Variants in EPC1 observed in about 807,000 individuals in gnomAD.
EPC1 encodes the protein enhancer of polycomb homolog 1.
Under a neutral mutation model 98.4 loss-of-function variants are expected in EPC1, and 12 were observed. The observed-to-expected ratio is 0.12, with a 90% CI of 0.08 to 0.20. The LOEUF (loss-of-function observed/expected upper bound fraction) is 0.20, where lower values mean the gene tolerates loss of function less well. Among genes scored for constraint, EPC1 ranks in the 10% least tolerant of loss-of-function variants. The pLI is 1.00. For synonymous variants in EPC1, 357 were observed against 363.9 expected, an observed-to-expected ratio of 0.98 and a Z score of 0.21; for missense variants, 729 against 990.5, an observed-to-expected ratio of 0.74 and a Z score of 3.54.
At chr10:32,350,839 A>G (rs1208663364), upstream of EPC1, among the ~76,000 whole-genome samples, 1 of 152,228 alleles carries the variant, frequency 6.6e-6, no homozygotes, top group Non-Finnish European at 1.5e-5. Context: ...ATAGTAGTTT[A>G]TGTTCGGTAT....
Position 32,344,764 on chromosome 10 carries a change from G to A in EPC1, c.153+1999C>T, listed in dbSNP as rs12240486. Among the ~76,000 whole-genome samples the A allele has an allele frequency of 5.3e-3, 812 of 152,296 alleles. 14 individuals carry two copies. Among genetic ancestry groups the A allele is most frequent in the African/African-American group, 0.019 (787 of 41,564 alleles). ...ATGCTGCCACTGCACTCCAGCCTGG[G>A]CAACAGAGTGAGACTCCATCTCAGA... On this transcript the variant is annotated intron_variant, in intron 1 of 13. Coordinates refer to ENST00000319778, the MANE Select transcript of EPC1 (RefSeq NM_001272004.3).
chr10:32,344,431 CCT>C (rs58985188), intron 1 of EPC1, among the ~76,000 whole-genome samples: 4,942 of 152,194 alleles, frequency 0.032, 267 homozygotes, highest in African/African-American at 0.11. Flanking sequence ...AAAAAAAATC[CCT>C]GTGTTTCAAA....
upstream of EPC1, among the ~76,000 whole-genome samples, chr10:32,349,479 A>T (rs1242752828): frequency 6.6e-6 from 1 of 152,090 alleles, no homozygotes; most frequent in Non-Finnish European, 1.5e-5. Context: ...TCATTCCTTT[A>T]TCCGTCTCCT....
chr10:32,271,536 G>C lies in EPC1; in HGVS notation c.2369+18C>G, dbSNP rs751411366. 1.9e-5 allele frequency: 30 copies of C among 1,604,812 alleles called. No individual in the cohort carries two copies. Among genetic ancestry groups the C allele is most frequent in the Admixed American group, 3.4e-5 (2 of 59,458 alleles). On this transcript the variant is annotated intron_variant, in intron 13 of 13. Transcript: ENST00000319778. ...AGATCTCTTATTCCAGGTATGTTAG[G>C]CAAAAATAACTACTCACCTTGGAAC...
At chr10:32,332,209 T>C (rs1837679256) in intron 1 of EPC1, among the ~76,000 whole-genome samples, 1 of 152,228 alleles carries the variant, frequency 6.6e-6, no homozygotes, top group South Asian at 2.1e-4. Context: ...AAAGGCTTCA[T>C]AACAGTTGAC....
chr10:32,306,791 T>C (rs1835897719), intron 1 of EPC1, among the ~76,000 whole-genome samples: 1 of 152,100 alleles, frequency 6.6e-6, no homozygotes, highest in Non-Finnish European at 1.5e-5. Context: ...CCAACTGCCA[T>C]ATAAAGGTAT....
At chr10:32,314,294 A>G (rs1836427608) in intron 1 of EPC1, among the ~76,000 whole-genome samples, 1 of 152,214 alleles carries the variant, frequency 6.6e-6, no homozygotes, top group South Asian at 2.1e-4. Flanking sequence ...TGAACAATAA[A>G]AAGAGGATGA....
At position 32,290,500 on chromosome 10, in the gene EPC1, A is replaced by AG. The variant is rs1452743713; in HGVS notation, c.975+662_975+663insC. 1.9e-3 allele frequency among the ~76,000 whole-genome samples: 216 copies of AG among 114,812 alleles called. 1 individual carries two copies. Among genetic ancestry groups the AG allele is most frequent in the Middle Eastern group, 9.0e-3 (2 of 222 alleles). The allele number at this position is 114,812 out of a possible 152,430, so 75.3% of individuals were successfully genotyped here. On this transcript the variant is annotated intron_variant, in intron 6 of 13. Transcript: ENST00000319778. ...GACTCTGTCAAAAAAAAAAAAAAAA[A>AG]AAAAAAAAGAAAGAAAGAAAAACTC... is the stretch of plus-strand genomic sequence containing the variant.
Position 32,364,011 on chromosome 10 carries a change from T to C in EPC1, c.3+14480A>G, listed in dbSNP as rs1040503919. On this transcript the variant is annotated intron_variant, in intron 1 of 13. Transcript: ENST00000375110. ...TGTCCATCATGTTGGCATTTTTTTT[T>C]TTTTTTTTTTTTTTTTTTTTTAGAT... Among the ~76,000 whole-genome samples the C allele has an allele frequency of 1.7e-4, 22 of 128,460 alleles. 1 individual carries two copies. The highest frequency in any genetic ancestry group is 1.6e-3 in the South Asian group (6 of 3,640). 84.3% of individuals were successfully genotyped at this position (128,460 alleles called of 152,430 possible). A position where few individuals can be genotyped will look rare whatever the true frequency, so the allele number is the denominator to read the frequency against.
At chr10:32,330,675 G>A (rs1837586824) in intron 1 of EPC1, among the ~76,000 whole-genome samples, 1 of 152,172 alleles carries the variant, frequency 6.6e-6, no homozygotes, top group Non-Finnish European at 1.5e-5. Flanking sequence ...TAAGATTCCA[G>A]AAAGGATTTA....
At chr10:32,275,840 G>A (rs1045912354) in intron 10 of EPC1, among the ~76,000 whole-genome samples, 2 of 151,922 alleles carry the variant, frequency 1.3e-5, no homozygotes, top group Non-Finnish European at 2.9e-5. Flanking sequence ...AGGGGGCTGA[G>A]GCAGGAGAAT....
chr10:32,339,087 GACCCTTCT>G (rs1392302697), intron 1 of EPC1, among the ~76,000 whole-genome samples: 1 of 151,994 alleles, frequency 6.6e-6, no homozygotes, highest in African/African-American at 2.4e-5. Context: ...TTTAGAACTT[GACCCTTCT>G]TAAACTGGAA....
chr10:32,367,956 G>A (rs1341639489), intron 1 of EPC1, among the ~76,000 whole-genome samples: 1 of 152,144 alleles, frequency 6.6e-6, no homozygotes, highest in Non-Finnish European at 1.5e-5. Context: ...TGTTACATAA[G>A]CGAATGTCTT....
intron 2 of EPC1, among the ~76,000 whole-genome samples, chr10:32,294,481 T>C (rs1272728551): frequency 6.6e-6 from 1 of 152,238 alleles, no homozygotes; most frequent in African/African-American, 2.4e-5. Flanking sequence ...AGGGCAGGTG[T>C]ATAATTTTCC....
chr10:32,337,335 CA>C (rs1285760064), intron 1 of EPC1, among the ~76,000 whole-genome samples: 1 of 152,208 alleles, frequency 6.6e-6, no homozygotes, highest in Non-Finnish European at 1.5e-5. Flanking sequence ...ATGAGCTTCC[CA>C]AACTGTTCTT....
In EPC1 at chr10:32,287,023, T is replaced by C; in HGVS notation, c.1153-8A>G. 2.5e-6 allele frequency: 4 copies of C among 1,613,884 alleles called. No individual in the cohort carries two copies. In the South Asian group the frequency reaches 4.4e-5, roughly 18 times the overall value. ...CGAAGAGCCAGACAAAACCTTTAAA[T>C]GAAATAAAGAAAGTAGGTCAGATAC... On this transcript the variant is annotated splice_polypyrimidine_tract_variant and splice_region_variant and intron_variant, in intron 7 of 13. Transcript: ENST00000319778.
At chr10:32,288,096 A>G (rs1051764870) in intron 6 of EPC1, among the ~76,000 whole-genome samples, 2 of 152,164 alleles carry the variant, frequency 1.3e-5, no homozygotes, top group African/African-American at 4.8e-5. Context: ...CTAAATATTC[A>G]TGTTACATTT....
At chr10:32,354,609 C>T (rs2505354) in intron 1 of EPC1, among the ~76,000 whole-genome samples, 38,914 of 121,018 alleles carry the variant, frequency 0.32, 6,391 homozygotes, top group East Asian at 0.51. Context: ...TGTGTAAATC[C>T]TAAGGTTTAG....
intron 1 of EPC1, chr10:32,345,561 A>C: frequency 1.0e-6 from 1 of 985,438 alleles, no homozygotes; most frequent in Non-Finnish European, 1.2e-6. Flanking sequence ...AAATGGCTGT[A>C]CCTGAAAACC....
Sources: gnomAD v4.1 joint callset for allele counts (sites outside exome capture counted in the v4.1 genomes callset) on GRCh38, gnomAD v4.1.1 for gene constraint, MANE v1.5 for transcripts, NCBI Gene and HGNC (gene_info 2026-07-23, HGNC 2026-07-21) for gene names.